Variants in OCRL observed in about 807,000 individuals in gnomAD.
The protein encoded by OCRL is inositol polyphosphate 5-phosphatase OCRL.
In OCRL, 8 loss-of-function variants were observed where a neutral mutation model predicts 78.9. That is an observed-to-expected ratio of 0.10 (90% CI 0.06 to 0.18). OCRL has a LOEUF of 0.18. Ranked by LOEUF, OCRL falls within the 10% of genes least tolerant of loss-of-function variation. The pLI is 1.00. For synonymous variants in OCRL, 240 were observed against 235.4 expected (o/e 1.02, Z -0.18); for missense variants, 454 against 696.7 (o/e 0.65, Z 3.92).
At chrX:129,572,203 G>A (rs1268342544) in intron 15 of OCRL, among the ~76,000 whole-genome samples, 1 of 112,162 alleles carries the variant, frequency 8.9e-6, no homozygotes, top group Non-Finnish European at 1.9e-5. Flanking sequence ...ACTGATTTGT[G>A]TGTGTCTCTA....
chrX:129,567,599 A>G (rs1256188625), intron 14 of OCRL, among the ~76,000 whole-genome samples: 2 of 112,326 alleles, frequency 1.8e-5, no homozygotes, highest in East Asian at 5.6e-4. Flanking sequence ...TTGAAGTTTT[A>G]TGGGCTACCT....
chrX:129,590,603 G>T lies in OCRL; in HGVS notation c.*333G>T. The T allele has an allele frequency of 3.9e-6, 1 of 255,680 alleles. No homozygotes were observed. The highest frequency in any genetic ancestry group is 7.1e-6 in the Non-Finnish European group (1 of 139,912). The allele number at this position is 255,680 out of a possible 1,213,427, so 21.1% of individuals were successfully genotyped here. On this transcript the variant is annotated 3_prime_UTR_variant, in exon 24 of 24. Transcript: ENST00000371113. ...GTCATGATTGTCCTTAGTACCCTAGGCCTAGATTCTGAGATCTTCCCATTC... is the reference window on the plus strand; with the variant it reads ...GTCATGATTGTCCTTAGTACCCTAGTCCTAGATTCTGAGATCTTCCCATTC...
intron 5 of OCRL, among the ~76,000 whole-genome samples, 159 bp downstream of exon 5, chrX:129,557,594 G>C (rs1219945958): frequency 1.8e-5 from 2 of 110,654 alleles, no homozygotes; most frequent in African/African-American, 6.6e-5. Flanking sequence ...GATAGGTTAG[G>C]GAAAAAATCT....
chrX:129,543,746 A>G (rs1935840635), intron 2 of OCRL, among the ~76,000 whole-genome samples: 1 of 113,129 alleles, frequency 8.8e-6, no homozygotes, highest in East Asian at 2.7e-4. Context: ...CACCCCCAAA[A>G]GACAACAAAA....
At chrX:129,584,082 G>C (rs752615192) in intron 18 of OCRL, among the ~76,000 whole-genome samples, 145 of 112,212 alleles carry the variant, frequency 1.3e-3, no homozygotes, top group African/African-American at 4.5e-3. Context: ...AGATGCCAAA[G>C]GGCACTGAAG....
At chrX:129,561,821 C>G (rs1014388843) in intron 10 of OCRL, among the ~76,000 whole-genome samples, 4 of 111,711 alleles carry the variant, frequency 3.6e-5, no homozygotes, top group Non-Finnish European at 7.5e-5. Flanking sequence ...GGCTATCATA[C>G]TAAGGTCTCT....
At chrX:129,579,342 C>CCAAGA (rs1283952464) in intron 18 of OCRL, among the ~76,000 whole-genome samples, 2 of 111,121 alleles carry the variant, frequency 1.8e-5, no homozygotes, top group African/African-American at 6.5e-5. Flanking sequence ...TTTTTTTTCC[C>CCAAGA]CAAGACCCAA....
chrX:129,545,737 T>C (rs150271595), intron 3 of OCRL, among the ~76,000 whole-genome samples: 292 of 112,345 alleles, frequency 2.6e-3, no homozygotes, highest in South Asian at 0.011. Context: ...AGTGGCTTTA[T>C]CTAGCAGAAG....
chrX:129,577,023 G>A (rs1160577209), intron 18 of OCRL, among the ~76,000 whole-genome samples: 1 of 111,395 alleles, frequency 9.0e-6, no homozygotes. Context: ...TCCCAGTTTA[G>A]TATTCCTCAC....
intron 6 of OCRL, 146 bp from the exon 7 acceptor site, chrX:129,558,487 C>A: frequency 3.0e-6 from 2 of 663,554 alleles, no homozygotes; most frequent in South Asian, 2.6e-5. Flanking sequence ...TCTTCGAACT[C>A]CAATCCAAGT....
intron 15 of OCRL, among the ~76,000 whole-genome samples, chrX:129,571,232 A>G (rs1272929391): frequency 9.0e-6 from 1 of 110,866 alleles, no homozygotes; most frequent in Non-Finnish European, 1.9e-5. Context: ...AATTCTCTTA[A>G]TCCATTTTGA....
intron 4 of OCRL, among the ~76,000 whole-genome samples, chrX:129,552,464 G>A (rs1442300445): frequency 1.8e-5 from 2 of 111,367 alleles, no homozygotes; most frequent in African/African-American, 3.3e-5. Context: ...CGGTCTTATC[G>A]CCCAGGCTGG....
chrX:129,554,879 G>A (rs1348824691), intron 4 of OCRL, among the ~76,000 whole-genome samples: 2 of 108,797 alleles, frequency 1.8e-5, no homozygotes, highest in Middle Eastern at 4.8e-3. Flanking sequence ...TTGAACCCGG[G>A]AGGTGGAGGT....
Position 129,576,465 on chromosome X carries a change from C to T in OCRL, c.2028C>T (p.Leu676=). ...TCTTGACTATCAGTGGAAATTACCT[C>T]CCAAGTTGTTTTGGCACATCCTTAG... is the stretch of plus-strand genomic sequence containing the variant. The part of the protein sequence containing the change: ...DYFLTISGNY[L]PSCFGTSLEA... The change falls in exon 18 of 24, where the codon CTC becomes CTT. Residue 676 remains leucine, a synonymous_variant. Coordinates refer to ENST00000371113, the MANE Select transcript of OCRL (RefSeq NM_000276.4). The T allele has an allele frequency of 8.3e-7, 1 of 1,211,557 alleles. No individual in the cohort carries two copies. The highest frequency in any genetic ancestry group is 1.1e-6 in the Non-Finnish European group (1 of 895,164).
At chrX:129,579,642 T>C (rs940571131) in intron 18 of OCRL, among the ~76,000 whole-genome samples, 4 of 112,022 alleles carry the variant, frequency 3.6e-5, no homozygotes, top group South Asian at 7.4e-4. Context: ...TTAGCACAAG[T>C]GGGAAACGGA....
intron 19 of OCRL, among the ~76,000 whole-genome samples, chrX:129,584,624 G>C (rs773576324): frequency 1.4e-4 from 16 of 112,248 alleles, no homozygotes; most frequent in Admixed American, 3.8e-4. Context: ...GAAATGAGAA[G>C]TAACTACAGA....
In OCRL at chrX:129,562,474, G is replaced by C; in HGVS notation, c.1030G>C (p.Val344Leu). 8.3e-7 allele frequency: 1 copy of C among 1,206,389 alleles called. No individual in the cohort carries two copies. Among genetic ancestry groups the C allele is most frequent in the Non-Finnish European group, 1.1e-6 (1 of 890,520 alleles). The change falls in exon 11 of 24, where the codon GTT becomes CTT. Residue 344 changes from valine (V) to leucine (L), a missense_variant. Coordinates refer to ENST00000371113, the MANE Select transcript of OCRL (RefSeq NM_000276.4). ...CATTCGTGATATTGCTACAGAAACA[G>C]TTGGAACTGGAATCATGGGGAAAAT... ...RYIRDIATET[V>L]GTGIMGKMGN...
At chrX:129,561,543 A>G (rs773095269) in intron 10 of OCRL, among the ~76,000 whole-genome samples, 2 of 112,267 alleles carry the variant, frequency 1.8e-5, no homozygotes, top group Non-Finnish European at 3.8e-5. Flanking sequence ...GCTTATATCA[A>G]TACTTAGTTT....
At chrX:129,545,319 C>A (rs1277763109) in intron 3 of OCRL, among the ~76,000 whole-genome samples, 2 of 112,348 alleles carry the variant, frequency 1.8e-5, no homozygotes, top group African/African-American at 6.5e-5. Context: ...TTTATGCTGA[C>A]TGACCTATAT....
Sources: allele counts gnomAD v4.1 joint callset (sites outside exome capture counted in the v4.1 genomes callset), GRCh38; gene constraint gnomAD v4.1.1; transcripts MANE v1.5; gene names NCBI Gene and HGNC (gene_info 2026-07-23, HGNC 2026-07-21).